Variants in RABGAP1L observed in about 807,000 individuals in gnomAD.
RABGAP1L encodes RAB GTPase activating protein 1 like, also known as rab GTPase-activating protein 1-like.
A neutral mutation model predicts 137.7 loss-of-function variants in RABGAP1L; 63 were observed. That is an observed-to-expected ratio of 0.46 (90% CI 0.37 to 0.56). The LOEUF is 0.56. Ranked by LOEUF, RABGAP1L falls within the 20% of genes least tolerant of loss-of-function variation. The pLI, the probability that RABGAP1L is intolerant of heterozygous loss-of-function variation, is 0.00. For missense variants in RABGAP1L, 1,095 were observed against 1,244.0 expected (o/e 0.88, Z 1.80); for synonymous variants, 431 against 433.7 (o/e 0.99, Z 0.08).
intron 1 of RABGAP1L, among the ~76,000 whole-genome samples, chr1:174,161,768 G>A (rs1421030488): frequency 6.7e-6 from 1 of 149,888 alleles, no homozygotes; most frequent in East Asian, 1.9e-4. Flanking sequence ...TCGCTCTGGC[G>A]CCCAGGCTGG....
chr1:174,690,998 AT>A lies in RABGAP1L; in HGVS notation c.1899+7407del, dbSNP rs1488095697. Among the ~76,000 whole-genome samples the A allele has an allele frequency of 3.3e-5, 5 of 151,936 alleles. No homozygotes were observed. In the East Asian group the frequency reaches 9.7e-4, roughly 29 times the overall value. On this transcript the variant is annotated intron_variant, in intron 15 of 25. Transcript: ENST00000681986. ...AGGCACATGCCACCATGCCTGGCTA[AT>A]TTTTGTATTTTTAGTAGAGATGATG...
intron 18 of RABGAP1L, among the ~76,000 whole-genome samples, chr1:174,758,580 T>A (rs555658094): frequency 6.6e-6 from 1 of 152,328 alleles, no homozygotes; most frequent in East Asian, 1.9e-4. Context: ...TCACTTAGGA[T>A]AATGGCCTCC....
intron 19 of RABGAP1L, among the ~76,000 whole-genome samples, chr1:174,866,015 A>G (rs561242397): frequency 2.6e-5 from 4 of 152,062 alleles, no homozygotes; most frequent in Non-Finnish European, 5.9e-5. Context: ...TGATACAAAG[A>G]CAATATCTGC....
intron 17 of RABGAP1L, among the ~76,000 whole-genome samples, chr1:174,734,905 T>A (rs1682802820): frequency 6.6e-6 from 1 of 152,076 alleles, no homozygotes; most frequent in East Asian, 1.9e-4. Flanking sequence ...TTAGTCTTTT[T>A]TTTAAGTGGG....
At chr1:174,902,178 C>T (rs545252103) in intron 19 of RABGAP1L, among the ~76,000 whole-genome samples, 1 of 152,314 alleles carries the variant, frequency 6.6e-6, no homozygotes, top group East Asian at 1.9e-4. Flanking sequence ...GAGGGACCCA[C>T]CCAAAGAAGC....
intron 19 of RABGAP1L, chr1:174,893,016 G>T: frequency 4.1e-6 from 1 of 243,018 alleles, no homozygotes; most frequent in East Asian, 1.1e-4. Context: ...AAAGTGCTGG[G>T]GTTACAGGCA....
chr1:174,622,399 G>A lies in RABGAP1L; in HGVS notation c.1711-14976G>A, dbSNP rs144356133. 2.9e-3 allele frequency among the ~76,000 whole-genome samples: 447 copies of A among 152,306 alleles called. 5 individuals are homozygous for A. Among genetic ancestry groups the A allele is most frequent in the African/African-American group, 0.01 (416 of 41,548 alleles). ...AAATCATGATGGTGTAAAGACACAT[G>A]CACACGTATGTTTATTGCGGCACTA... On this transcript the variant is annotated intron_variant, in intron 13 of 25. Transcript: ENST00000681986.
intron 11 of RABGAP1L, among the ~76,000 whole-genome samples, chr1:174,348,752 T>C (rs1414107634): frequency 2.7e-5 from 4 of 149,522 alleles, no homozygotes; most frequent in Non-Finnish European, 6.0e-5. Context: ...ACAGCACATG[T>C]TTCAGAGAGC....
At chr1:174,317,300 A>G (rs1444495764) in intron 11 of RABGAP1L, among the ~76,000 whole-genome samples, 1 of 152,032 alleles carries the variant, frequency 6.6e-6, no homozygotes, top group Admixed American at 6.5e-5. Context: ...AAGGCCCTTG[A>G]TGTAGTACCT....
At chr1:174,600,382 G>A (rs904447178) in intron 13 of RABGAP1L, among the ~76,000 whole-genome samples, 2 of 151,988 alleles carry the variant, frequency 1.3e-5, no homozygotes, top group African/African-American at 2.4e-5. Context: ...CAACAGTCCC[G>A]CAAAGTCTTA....
intron 13 of RABGAP1L, among the ~76,000 whole-genome samples, chr1:174,588,376 G>A (rs1420913760): frequency 6.6e-6 from 1 of 151,878 alleles, no homozygotes; most frequent in Non-Finnish European, 1.5e-5. Flanking sequence ...TGTTGGCCAG[G>A]CTAGTCTCGA....
intron 19 of RABGAP1L, among the ~76,000 whole-genome samples, chr1:174,939,106 A>T (rs1014462550): frequency 6.6e-6 from 1 of 152,180 alleles, no homozygotes; most frequent in African/African-American, 2.4e-5. Flanking sequence ...TTTTAAATCA[A>T]TTTTTAGAAA....
At chr1:174,630,240 G>A (rs1328308474) in intron 13 of RABGAP1L, among the ~76,000 whole-genome samples, 1 of 140,088 alleles carries the variant, frequency 7.1e-6, no homozygotes, top group African/African-American at 2.7e-5. Flanking sequence ...CAGGGATGAA[G>A]CCCACTTGAT....
At chr1:174,514,401 G>T (rs1662627994) in intron 13 of RABGAP1L, among the ~76,000 whole-genome samples, 1 of 152,138 alleles carries the variant, frequency 6.6e-6, no homozygotes, top group Admixed American at 6.6e-5. Flanking sequence ...CCATAGACTA[G>T]TTCCTCAAGA....
At chr1:174,512,505 C>G (rs1022855679) in intron 13 of RABGAP1L, among the ~76,000 whole-genome samples, 1 of 152,174 alleles carries the variant, frequency 6.6e-6, no homozygotes, top group African/African-American at 2.4e-5. Context: ...TAAGCCCATA[C>G]TAAAATTTAC....
At chr1:174,237,900 A>G (rs933758318) in intron 4 of RABGAP1L, among the ~76,000 whole-genome samples, 14 of 150,274 alleles carry the variant, frequency 9.3e-5, no homozygotes, top group Non-Finnish European at 1.8e-4. Flanking sequence ...CATCACTTTC[A>G]GGTACACCAA....
At chr1:174,179,329 A>T (rs1312908109) in intron 1 of RABGAP1L, among the ~76,000 whole-genome samples, 1 of 152,216 alleles carries the variant, frequency 6.6e-6, no homozygotes, top group Non-Finnish European at 1.5e-5. Flanking sequence ...GTTGTTCTTT[A>T]AAGTAAAAAT....
intron 21 of RABGAP1L, among the ~76,000 whole-genome samples, chr1:174,973,202 T>A (rs1670302327): frequency 1.3e-5 from 2 of 152,192 alleles, no homozygotes; most frequent in Non-Finnish European, 2.9e-5. Context: ...TTGCTGCAGA[T>A]GTTGTATATG....
At position 174,349,346 on chromosome 1, in the gene RABGAP1L, C is replaced by T. The variant is rs943661814; in HGVS notation, c.1466-21633C>T. Among the ~76,000 whole-genome samples the T allele has an allele frequency of 8.3e-3, 891 of 106,852 alleles. 19 individuals are homozygous for T. The highest frequency in any genetic ancestry group is 0.019 in the Middle Eastern group (3 of 158). The allele number at this position is 106,852 out of a possible 152,430, so 70.1% of individuals were successfully genotyped here. A position where few individuals can be genotyped will look rare whatever the true frequency, so the allele number is the denominator to read the frequency against. On this transcript the variant is annotated intron_variant, in intron 11 of 25. Transcript: ENST00000681986. The stretch of plus-strand genomic sequence containing the variant: ...TCACCTCCCGGATGGGGCCACTGGC[C>T]GGGCAGGGGGGCTGACCCCCCCCAC...
Sources: gnomAD v4.1 joint callset for allele counts (sites outside exome capture counted in the v4.1 genomes callset) on GRCh38, gnomAD v4.1.1 for gene constraint, MANE v1.5 for transcripts, NCBI Gene and HGNC (gene_info 2026-07-23, HGNC 2026-07-21) for gene names.